The following INTS7 variants were observed in gnomAD, a reference collection of about 807,000 sequenced individuals.
The protein encoded by INTS7 is integrator complex subunit 7.
INTS7 carries 46 observed loss-of-function variants against 109.2 expected under a neutral mutation model. That is an observed-to-expected ratio of 0.42 (90% confidence interval 0.33 to 0.54). The LOEUF (loss-of-function observed/expected upper bound fraction) is 0.54, where lower values mean the gene tolerates loss of function less well. Ranked by LOEUF, INTS7 falls within the 20% of genes least tolerant of loss-of-function variation. INTS7 has a pLI of 0.07. For synonymous variants in INTS7, 412 were observed against 402.9 expected, an observed-to-expected ratio of 1.02 and a Z score of -0.27; for missense variants, 929 against 1,132.4, an observed-to-expected ratio of 0.82 and a Z score of 2.58.
chr1:211,957,537 A>G (rs2788133), intron 16 of INTS7, among the ~76,000 whole-genome samples: 91,686 of 151,702 alleles, frequency 0.6, 28,188 homozygotes, highest in Non-Finnish European at 0.66. Context: ...CAGAGAGAGG[A>G]TCCGTCTCAA....
intron 7 of INTS7, among the ~76,000 whole-genome samples, chr1:211,991,283 T>C (rs1665132822): frequency 6.6e-6 from 1 of 152,230 alleles, no homozygotes; most frequent in Admixed American, 6.5e-5. Context: ...AATTTTTAAC[T>C]GGAAGACTCA....
At chr1:211,962,681 T>G (rs1282501799) in intron 16 of INTS7, among the ~76,000 whole-genome samples, 1 of 152,168 alleles carries the variant, frequency 6.6e-6, no homozygotes, top group African/African-American at 2.4e-5. Context: ...AACCACTTTC[T>G]TGGACCACAG....
chr1:211,973,999 C>T (rs1337528212), intron 13 of INTS7, among the ~76,000 whole-genome samples: 11 of 151,974 alleles, frequency 7.2e-5, no homozygotes, highest in Admixed American at 5.2e-4. Context: ...ATTGTCAAGC[C>T]TCATTAAATA....
At chr1:212,004,241 T>C (rs1665804580) in intron 7 of INTS7, among the ~76,000 whole-genome samples, 1 of 151,950 alleles carries the variant, frequency 6.6e-6, no homozygotes, top group African/African-American at 2.4e-5. Flanking sequence ...GCTTGGGAAG[T>C]TGAGGTGGGA....
chr1:211,957,930 C>T (rs529941317), intron 16 of INTS7, among the ~76,000 whole-genome samples: 3 of 152,024 alleles, frequency 2.0e-5, no homozygotes, highest in East Asian at 1.9e-4. Flanking sequence ...TCAGAAGTTA[C>T]TGTCAAATGA....
chr1:211,968,766 G>C, intron 13 of INTS7, 59 bp from the exon 14 acceptor site: 1 of 1,336,048 alleles, frequency 7.5e-7, no homozygotes, highest in Non-Finnish European at 1.0e-6. Context: ...GTGAGATGGG[G>C]CAGTACCAAG....
At chr1:211,943,187 C>T (rs1384026172) in intron 19 of INTS7, among the ~76,000 whole-genome samples, 1 of 151,852 alleles carries the variant, frequency 6.6e-6, no homozygotes, top group Non-Finnish European at 1.5e-5. Context: ...ACCTGATCAC[C>T]CTGAATGGAT....
intron 4 of INTS7, among the ~76,000 whole-genome samples, chr1:212,015,105 G>A (rs193051154): frequency 2.2e-4 from 28 of 130,018 alleles, no homozygotes; most frequent in East Asian, 1.6e-3. Flanking sequence ...GCCCCCGCCC[G>A]GGCAGCCGCC....
chr1:212,022,985 T>C (rs1271953247), intron 1 of INTS7, among the ~76,000 whole-genome samples: 4 of 152,206 alleles, frequency 2.6e-5, no homozygotes, highest in Non-Finnish European at 2.9e-5. Flanking sequence ...CTCCCACTTA[T>C]AAGTGAGAAC....
At chr1:212,021,418 GA>G (rs1006551525) in intron 1 of INTS7, among the ~76,000 whole-genome samples, 2 of 150,844 alleles carry the variant, frequency 1.3e-5, no homozygotes, top group Non-Finnish European at 3.0e-5. Context: ...ACATAATAAT[GA>G]AAAAAAATTT....
intron 4 of INTS7, among the ~76,000 whole-genome samples, chr1:212,015,935 A>AT (rs1446093797): frequency 3.3e-5 from 5 of 151,414 alleles, no homozygotes; most frequent in South Asian, 2.1e-4. Context: ...TACGGCTTTT[A>AT]TTTTTTTTAA....
intron 19 of INTS7, 140 bp downstream of exon 19, chr1:211,944,644 A>T: frequency 3.0e-6 from 2 of 673,774 alleles, no homozygotes; most frequent in Non-Finnish European, 5.1e-6. Context: ...TACAGCCCCA[A>T]TGTGGGCTTT....
chr1:211,995,916 A>G (rs1181799290), intron 7 of INTS7, among the ~76,000 whole-genome samples: 1 of 152,252 alleles, frequency 6.6e-6, no homozygotes, highest in Non-Finnish European at 1.5e-5. Flanking sequence ...CCCAGCTTCC[A>G]GAAATGTCCG....
intron 1 of INTS7, among the ~76,000 whole-genome samples, chr1:212,027,429 G>T (rs1002978509): frequency 1.3e-5 from 2 of 151,956 alleles, no homozygotes; most frequent in African/African-American, 4.8e-5. Context: ...AAGAAGGAGG[G>T]ATGTGATTGC....
chr1:211,947,380 C>T (rs1307356053), intron 17 of INTS7, among the ~76,000 whole-genome samples: 1 of 152,058 alleles, frequency 6.6e-6, no homozygotes, highest in Non-Finnish European at 1.5e-5. Context: ...AGAATTTAAG[C>T]GTTCAAAGAT....
intron 10 of INTS7, among the ~76,000 whole-genome samples, chr1:211,980,886 T>C (rs1664632294): frequency 6.6e-6 from 1 of 152,248 alleles, no homozygotes; most frequent in South Asian, 2.1e-4. Context: ...GTTAAATTAA[T>C]GAACATTTAT....
chr1:211,951,271 C>T (rs1164793440), intron 17 of INTS7, among the ~76,000 whole-genome samples: 1 of 152,020 alleles, frequency 6.6e-6, no homozygotes. Context: ...TGGAGGTGGG[C>T]CCCCATGATG....
rs554382495 is a variant in INTS7, at chr1:211,993,450, C to T, written c.880-5447G>A. Among the ~76,000 whole-genome samples the T allele has an allele frequency of 3.3e-5, 5 of 152,208 alleles. No individual in the cohort carries two copies. In the South Asian group the frequency reaches 6.2e-4, roughly 19 times the overall value. ...ATCCCAGCACTTTGGGAGGCCAAGG[C>T]GGGTGGATCACCTGAGGTCAGGAGT... On this transcript the variant is annotated intron_variant, in intron 7 of 19. Coordinates refer to ENST00000366994, the MANE Select transcript of INTS7 (RefSeq NM_015434.4).
chr1:212,034,504 T>C (rs1667329730), intron 1 of INTS7, among the ~76,000 whole-genome samples: 1 of 152,164 alleles, frequency 6.6e-6, no homozygotes, highest in Admixed American at 6.5e-5. Context: ...TGCCGAAATG[T>C]TTCCCGTACA....
Sources: allele counts gnomAD v4.1 joint callset (sites outside exome capture counted in the v4.1 genomes callset), GRCh38; gene constraint gnomAD v4.1.1; transcripts MANE v1.5; gene names NCBI Gene and HGNC (gene_info 2026-07-23, HGNC 2026-07-21).